Variants in UNC13B observed in about 807,000 individuals in gnomAD.
UNC13B encodes unc-13 homolog B.
Under a neutral mutation model 211.0 loss-of-function variants are expected in UNC13B, and 144 were observed. That is an observed-to-expected ratio of 0.68 (90% CI 0.60 to 0.78). UNC13B has a LOEUF of 0.78. Among genes scored for constraint, UNC13B ranks in the 30% least tolerant of loss-of-function variants. UNC13B has a pLI of 0.00. For synonymous variants in UNC13B, 709 were observed against 725.8 expected, an observed-to-expected ratio of 0.98 and a Z score of 0.37; for missense variants, 1,777 against 2,002.0, an observed-to-expected ratio of 0.89 and a Z score of 2.14.
chr9:35,310,417 G>C (rs768621192), intron 9 of UNC13B, 50 bp from the exon 10 acceptor site: 1 of 1,571,748 alleles, frequency 6.4e-7, no homozygotes, highest in Admixed American at 1.7e-5. Flanking sequence ...CTTTTGTCCT[G>C]GTCCCTGATT....
At chr9:35,324,645 TC>T (rs1830912073) in intron 11 of UNC13B, among the ~76,000 whole-genome samples, 1 of 152,212 alleles carries the variant, frequency 6.6e-6, no homozygotes, top group South Asian at 2.1e-4. Context: ...ATTTGACACT[TC>T]TGCACAGTCC....
intron 6 of UNC13B, among the ~76,000 whole-genome samples, chr9:35,245,776 G>T (rs1826060102): frequency 6.6e-6 from 1 of 151,974 alleles, no homozygotes; most frequent in African/African-American, 2.4e-5. Context: ...TTGGTTCCAG[G>T]TCTTTGCTAT....
chr9:35,303,904 T>A lies in UNC13B; in HGVS notation c.4500T>A (p.Phe1500Leu), dbSNP rs1028253883. The A allele has an allele frequency of 5.0e-6, 2 of 398,798 alleles. No individual in the cohort carries two copies. Among genetic ancestry groups the A allele is most frequent in the Non-Finnish European group, 4.4e-6 (1 of 225,854 alleles). 24.7% of individuals were successfully genotyped at this position (398,798 alleles called of 1,614,324 possible). ...AATCATTAAGAATGGATGAAAACTT[T>A]GTTTTTTCAAGTTTTGGTTATGAGT... ...DQESLRMDEN[F>L]VFSSFGYEYQ... Residue 1500 changes from phenylalanine (F) to leucine (L), a missense_variant, in exon 9 of 40, where the codon TTT becomes TTA. Coordinates refer to ENST00000635942, the MANE Select transcript of UNC13B (RefSeq NM_001371189.2).
At chr9:35,388,871 G>T (rs1835350329) in intron 24 of UNC13B, among the ~76,000 whole-genome samples, 1 of 152,220 alleles carries the variant, frequency 6.6e-6, no homozygotes, top group African/African-American at 2.4e-5. Flanking sequence ...GCAAGGAGGA[G>T]GGATTGGATT....
At chr9:35,296,748 A>C (rs947960943) in intron 8 of UNC13B, among the ~76,000 whole-genome samples, 1 of 152,222 alleles carries the variant, frequency 6.6e-6, no homozygotes, top group African/African-American at 2.4e-5. Flanking sequence ...TCATATACAC[A>C]TACATTTTCT....
At chr9:35,335,657 T>G (rs1187507167) in intron 11 of UNC13B, among the ~76,000 whole-genome samples, 1 of 151,984 alleles carries the variant, frequency 6.6e-6, no homozygotes, top group Non-Finnish European at 1.5e-5. Context: ...ATAAAACTGT[T>G]GACTGATTTC....
At chr9:35,258,308 T>A (rs1442274342) in intron 6 of UNC13B, among the ~76,000 whole-genome samples, 1 of 152,226 alleles carries the variant, frequency 6.6e-6, no homozygotes, top group East Asian at 1.9e-4. Flanking sequence ...CCTGTTAATT[T>A]GTTTGTGCCT....
Position 35,162,012 on chromosome 9 carries a change from C to G in UNC13B, c.-272C>G. 1 of 528,050 alleles carries G rather than the reference C, an allele frequency of 1.9e-6. No homozygotes were observed. Among genetic ancestry groups the G allele is most frequent in the Admixed American group, 3.8e-5 (1 of 26,000 alleles). The allele number at this position is 528,050 out of a possible 1,614,324, so 32.7% of individuals were successfully genotyped here. On this transcript the variant is annotated 5_prime_UTR_variant, in exon 1 of 40. Transcript: ENST00000635942. ...CCCGGGTGGAATGACGGGAGGGAGT[C>G]CCGGCAGCTCCTACCTCCCAGCGAT... is the stretch of plus-strand genomic sequence containing the variant.
At chr9:35,176,887 A>C (rs1403754929) in intron 1 of UNC13B, among the ~76,000 whole-genome samples, 1 of 152,154 alleles carries the variant, frequency 6.6e-6, no homozygotes, top group Non-Finnish European at 1.5e-5. Flanking sequence ...AGAGAAGGAG[A>C]AGAATATTCT....
At chr9:35,228,102 A>C in intron 2 of UNC13B, 58 bp downstream of exon 2, 1 of 1,424,350 alleles carries the variant, frequency 7.0e-7, no homozygotes, top group Non-Finnish European at 9.6e-7. Flanking sequence ...TTTCAAAGCA[A>C]TTTAAAAAAA....
chr9:35,400,472 C>A, intron 37 of UNC13B, 29 bp downstream of exon 37: 1 of 1,603,256 alleles, frequency 6.2e-7, no homozygotes, highest in African/African-American at 1.3e-5. Context: ...TGGGTATCCA[C>A]CTCTCCTCTC....
chr9:35,194,249 T>C (rs1822819315), intron 1 of UNC13B, among the ~76,000 whole-genome samples: 1 of 152,108 alleles, frequency 6.6e-6, no homozygotes, highest in African/African-American at 2.4e-5. Context: ...ATAACTGAAC[T>C]GTAAAACTTC....
intron 11 of UNC13B, chr9:35,361,669 A>T (rs1051958493): frequency 1.3e-5 from 2 of 152,242 alleles, no homozygotes; most frequent in African/African-American, 4.8e-5. Context: ...TATACAGACA[A>T]CTACAATATA....
intron 7 of UNC13B, among the ~76,000 whole-genome samples, chr9:35,268,253 A>G (rs1564104003): frequency 6.6e-6 from 1 of 152,164 alleles, no homozygotes. Context: ...TTGCTCTCCC[A>G]AAGGTTGCTG....
At chr9:35,172,436 T>C (rs1036383510) in intron 1 of UNC13B, among the ~76,000 whole-genome samples, 1 of 152,222 alleles carries the variant, frequency 6.6e-6, no homozygotes, top group African/African-American at 2.4e-5. Context: ...ACTGTATTTT[T>C]GTACTCTTTA....
At chr9:35,224,422 T>C (rs1824725102) in intron 1 of UNC13B, among the ~76,000 whole-genome samples, 1 of 152,248 alleles carries the variant, frequency 6.6e-6, no homozygotes, top group Non-Finnish European at 1.5e-5. Context: ...ATGTGATTAC[T>C]TTTTAAATTT....
At position 35,162,194 on chromosome 9, in the gene UNC13B, T is replaced by C. The variant is rs1249685493; in HGVS notation, c.-90T>C. 1.3e-5 allele frequency: 20 copies of C among 1,530,676 alleles called. No individual in the cohort carries two copies. The highest frequency in any genetic ancestry group is 1.4e-5 in the African/African-American group (1 of 72,654). 94.8% of individuals were successfully genotyped at this position (1,530,676 alleles called of 1,614,324 possible). On this transcript the variant is annotated 5_prime_UTR_variant, in exon 1 of 40. Coordinates refer to ENST00000635942, the MANE Select transcript of UNC13B (RefSeq NM_001371189.2). The stretch of plus-strand genomic sequence containing the variant: ...GGAGCTGCCAGACCCGTGGGGCCGG[T>C]AACGAGAGCAGTCGCGGCACCTGCT...
chr9:35,170,532 G>A (rs1821279519), intron 1 of UNC13B, among the ~76,000 whole-genome samples: 2 of 152,002 alleles, frequency 1.3e-5, no homozygotes, highest in African/African-American at 4.8e-5. Context: ...GCAATGGTGC[G>A]AACATGGCTC....
intron 1 of UNC13B, among the ~76,000 whole-genome samples, chr9:35,219,065 T>A (rs1824425216): frequency 6.6e-6 from 1 of 152,204 alleles, no homozygotes; most frequent in African/African-American, 2.4e-5. Context: ...CGTGTTTATT[T>A]TTCATAGCGT....
Sources: allele counts gnomAD v4.1 joint callset (sites outside exome capture counted in the v4.1 genomes callset), GRCh38; gene constraint gnomAD v4.1.1; transcripts MANE v1.5; gene names NCBI Gene and HGNC (gene_info 2026-07-23, HGNC 2026-07-21).